AGAP1: variants seen among roughly 807,000 people sequenced by gnomAD.
AGAP1 encodes arf-GAP with GTPase, ANK repeat and PH domain-containing protein 1.
A neutral mutation model predicts 105.3 loss-of-function variants in AGAP1; 29 were observed. The observed-to-expected ratio is 0.28, with a 90% CI of 0.21 to 0.38. The LOEUF (loss-of-function observed/expected upper bound fraction) is 0.38. Among genes scored for constraint, AGAP1 ranks in the 10% least tolerant of loss-of-function variants. The probability of loss-of-function intolerance (pLI) is 1.00; values close to 1 mark genes in which losing one functional copy is unlikely to be tolerated. For missense variants in AGAP1, 998 were observed against 1,165.1 expected (o/e 0.86, Z 2.09); for synonymous variants, 509 against 485.9 (o/e 1.05, Z -0.63).
At chr2:235,780,822 C>A (rs889506761) in intron 6 of AGAP1, among the ~76,000 whole-genome samples, 2 of 152,132 alleles carry the variant, frequency 1.3e-5, no homozygotes, top group African/African-American at 4.8e-5. Flanking sequence ...TTGATCCTGG[C>A]CGAGGCTGGG....
chr2:235,846,865 C>T (rs894621678), intron 9 of AGAP1, among the ~76,000 whole-genome samples: 4 of 152,128 alleles, frequency 2.6e-5, no homozygotes, highest in Non-Finnish European at 5.9e-5. Flanking sequence ...TGGTCTCAAG[C>T]AGTCCTCCTG....
At position 235,930,289 on chromosome 2, in the gene AGAP1, A is replaced by G. The variant is rs1305422462; in HGVS notation, c.1325-476A>G. ...GGGACTTTGATTTGTGTTGATCATA[A>G]AGTATGGCTTCCCCATGAAAATAAT... On this transcript the variant is annotated intron_variant, in intron 11 of 17. Transcript: ENST00000304032. This position sits in a 1 kb window ranked among gnomAD's most constrained non-coding sequence, Gnocchi z 7.9. Among the ~76,000 whole-genome samples the G allele has an allele frequency of 6.6e-6, 1 of 152,184 alleles. No individual in the cohort carries two copies. The highest frequency in any genetic ancestry group is 2.4e-5 in the African/African-American group (1 of 41,446).
At chr2:235,814,814 G>A (rs1440701778) in intron 9 of AGAP1, among the ~76,000 whole-genome samples, 9 of 152,278 alleles carry the variant, frequency 5.9e-5, no homozygotes, top group Admixed American at 5.9e-4. Context: ...GAGGAAGTGG[G>A]GAGGAGGGTC....
At chr2:235,810,779 C>A (rs1958092988) in intron 9 of AGAP1, among the ~76,000 whole-genome samples, 1 of 151,296 alleles carries the variant, frequency 6.6e-6, no homozygotes, top group East Asian at 1.9e-4. Flanking sequence ...GTCTACTTCT[C>A]CTTTGGTGTC....
intron 1 of AGAP1, among the ~76,000 whole-genome samples, chr2:235,632,667 G>C (rs1559302130): frequency 6.6e-6 from 1 of 152,178 alleles, no homozygotes; most frequent in Admixed American, 6.5e-5. Flanking sequence ...AGCTCCACCT[G>C]GCCTCCCTCT....
chr2:235,884,096 A>G (rs1575690701), intron 10 of AGAP1, among the ~76,000 whole-genome samples: 1 of 152,354 alleles, frequency 6.6e-6, no homozygotes, highest in African/African-American at 2.4e-5. Flanking sequence ...GATAAAATTT[A>G]AAGTTGGGGT....
intron 1 of AGAP1, 103 bp downstream of exon 1, chr2:235,494,952 G>A (rs1327449658): frequency 1.1e-5 from 13 of 1,208,554 alleles, no homozygotes; most frequent in East Asian, 3.3e-5. Flanking sequence ...GCCGGCCGGG[G>A]CACGCGGCTG....
rs1482894232 is a variant in AGAP1 at position 235,574,702 on chromosome 2, C to T, written c.163+79853C>T. Among the ~76,000 whole-genome samples, 1 of 152,100 alleles carries T rather than the reference C, an allele frequency of 6.6e-6. No individual in the cohort carries two copies. The highest frequency in any genetic ancestry group is 1.5e-5 in the Non-Finnish European group (1 of 68,018). On this transcript the variant is annotated intron_variant, in intron 1 of 17. Coordinates refer to ENST00000304032, the MANE Select transcript of AGAP1 (RefSeq NM_001037131.3). This position sits in a 1 kb window ranked among gnomAD's most constrained non-coding sequence, Gnocchi z 5.0. The stretch of plus-strand genomic sequence containing the variant: ...GAAGGTCTTTTGCTTTTTAAAGAGA[C>T]TGTATTAAGAGGAATAATGGACCAA...
chr2:235,749,340 G>C (rs183421007), intron 5 of AGAP1, among the ~76,000 whole-genome samples: 1 of 152,064 alleles, frequency 6.6e-6, no homozygotes, highest in East Asian at 1.9e-4. Context: ...TGGAATGGAT[G>C]GGGCAGGGCT....
Position 236,040,755 on chromosome 2 carries a change from G to A in AGAP1, c.1805G>A (p.Arg602Gln), listed in dbSNP as rs753673363. The A allele has an allele frequency of 9.3e-6, 15 of 1,612,972 alleles. No individual in the cohort carries two copies. Among genetic ancestry groups the A allele is most frequent in the South Asian group, 6.6e-5 (6 of 91,032 alleles). The change falls in exon 15 of 18, where the codon CGG (arginine) becomes CAG (glutamine). Residue 602 changes from arginine (R) to glutamine (Q), a missense_variant. Transcript: ENST00000304032. This position sits in a 1 kb window ranked among gnomAD's most constrained non-coding sequence, Gnocchi z 5.6. ...TGTGTCTTCCTCCGTGCCCAGTCCC[G>A]GCTGACGAGCCAGAGCGAGGCCATG... Reference protein sequence around the residue: ...QSCESSKNKSRLTSQSEAMAL... With the variant: ...QSCESSKNKSQLTSQSEAMAL...
At position 235,590,696 on chromosome 2, in the gene AGAP1, T is replaced by TGC. The variant is rs1559272075; in HGVS notation, c.163+95848_163+95849insCG. Among the ~76,000 whole-genome samples the TGC allele has an allele frequency of 8.7e-4, 100 of 114,642 alleles. 1 individual carries two copies. The highest frequency in any genetic ancestry group is 1.8e-3 in the South Asian group (6 of 3,264). 75.2% of individuals were successfully genotyped at this position (114,642 alleles called of 152,430 possible). ...GTGTGTGTGTGTGTGCGTGTGCGTGTGTGTGTGTGTGTGTGTGCATTTTTT... is the reference window on the plus strand; with the variant it reads ...GTGTGTGTGTGTGTGCGTGTGCGTGTGCGTGTGTGTGTGTGTGTGCATTTTTT... On this transcript the variant is annotated intron_variant, in intron 1 of 17. Transcript: ENST00000304032.
intron 13 of AGAP1, among the ~76,000 whole-genome samples, chr2:236,010,859 T>C (rs2056485972): frequency 6.6e-6 from 1 of 152,196 alleles, no homozygotes; most frequent in South Asian, 2.1e-4. Flanking sequence ...GTTTTGATCC[T>C]TTTAATCCTT....
At position 235,973,932 on chromosome 2, in the gene AGAP1, A is replaced by G. The variant is rs2054757257; in HGVS notation, c.1645+5309A>G. On this transcript the variant is annotated intron_variant, in intron 13 of 17. Coordinates refer to ENST00000304032, the MANE Select transcript of AGAP1 (RefSeq NM_001037131.3). The surrounding 1 kb of genome is among the most constrained non-coding windows in gnomAD (Gnocchi z 4.7). Reference sequence around the variant, plus strand: ...GGCAGTGGGATTTTGCAGATCTTTAATGGCTTGTCAGCTCTTGGCATTGTC... The same window carrying G: ...GGCAGTGGGATTTTGCAGATCTTTAGTGGCTTGTCAGCTCTTGGCATTGTC... 2.0e-5 allele frequency among the ~76,000 whole-genome samples: 3 copies of G among 152,152 alleles called. No homozygotes were observed. The highest frequency in any genetic ancestry group is 4.4e-5 in the Non-Finnish European group (3 of 68,028).
chr2:236,021,357 G>A (rs763111764), intron 13 of AGAP1, among the ~76,000 whole-genome samples: 3 of 152,054 alleles, frequency 2.0e-5, no homozygotes, highest in East Asian at 1.9e-4. Context: ...AGCCCTCACC[G>A]TGGACAGTGG....
chr2:235,630,349 T>C (rs1296161979), intron 1 of AGAP1, among the ~76,000 whole-genome samples: 2 of 152,156 alleles, frequency 1.3e-5, no homozygotes, highest in African/African-American at 4.8e-5. Flanking sequence ...TAGTTGGGAT[T>C]ACAGGTGTGC....
In AGAP1 at chr2:235,751,870, C is replaced by T. The variant is rs1953470944; in HGVS notation, c.673+1382C>T. Among the ~76,000 whole-genome samples, 2 of 152,196 alleles carry T rather than the reference C, an allele frequency of 1.3e-5. No individual in the cohort carries two copies. The highest frequency in any genetic ancestry group is 2.9e-5 in the Non-Finnish European group (2 of 68,042). On this transcript the variant is annotated intron_variant, in intron 6 of 17. Coordinates refer to ENST00000304032, the MANE Select transcript of AGAP1 (RefSeq NM_001037131.3). This position sits in a 1 kb window ranked among gnomAD's most constrained non-coding sequence, Gnocchi z 5.3. ...AGGATCAGCACAAAGTCGCTGGGGTCCCACAGCCCCTTCTTCCCTCCACTA... is the reference window on the plus strand; with the variant it reads ...AGGATCAGCACAAAGTCGCTGGGGTTCCACAGCCCCTTCTTCCCTCCACTA...
rs374331829 is a variant in AGAP1 at position 235,707,367 on chromosome 2, G to A, written c.164-1812G>A. Among the ~76,000 whole-genome samples the A allele has an allele frequency of 2.0e-5, 3 of 151,990 alleles. No homozygotes were observed. In the South Asian group the frequency reaches 6.2e-4, roughly 32 times the overall value. On this transcript the variant is annotated intron_variant, in intron 1 of 17. Coordinates refer to ENST00000304032, the MANE Select transcript of AGAP1 (RefSeq NM_001037131.3). ...ACCCAGCTGTCCTTTCCTGGAGCAG[G>A]GAGTGTTCCTCTGACGGGATGTCTC...
chr2:235,735,524 G>A (rs74599366), intron 3 of AGAP1, among the ~76,000 whole-genome samples: 4,794 of 152,222 alleles, frequency 0.031, 240 homozygotes, highest in African/African-American at 0.1. Flanking sequence ...CACATTGTGA[G>A]ACAGCATTCA....
At position 235,734,134 on chromosome 2, in the gene AGAP1, A is replaced by AT. The variant is rs1221275700; in HGVS notation, c.311-6828dup. 6.6e-6 allele frequency among the ~76,000 whole-genome samples: 1 copy of AT among 152,250 alleles called. No individual in the cohort carries two copies. The highest frequency in any genetic ancestry group is 1.5e-5 in the Non-Finnish European group (1 of 68,044). On this transcript the variant is annotated intron_variant, in intron 3 of 17. Transcript: ENST00000304032. The surrounding 1 kb of genome is among the most constrained non-coding windows in gnomAD (Gnocchi z 5.3). ...GCTGATTGTCCTTTTCAAGGTATCC[A>AT]TCTCATCCCACTTGTTAAAAATAAT...
Sources: allele counts gnomAD v4.1 joint callset (sites outside exome capture counted in the v4.1 genomes callset), GRCh38; gene constraint gnomAD v4.1.1; non-coding constraint Gnocchi (gnomAD v3.1); transcripts MANE v1.5; gene names NCBI Gene and HGNC (gene_info 2026-07-23, HGNC 2026-07-21).